ENTHD1: variants seen among roughly 807,000 people sequenced by gnomAD.
The protein encoded by ENTHD1 is ENTH domain-containing protein 1.
In ENTHD1, 23 loss-of-function variants were observed where a neutral mutation model predicts 39.1. The ratio of observed to expected loss-of-function variants is 0.59; its 90% CI spans 0.42 to 0.83. ENTHD1 has a LOEUF of 0.83. Among genes scored for constraint, ENTHD1 ranks in the 40% least tolerant of loss-of-function variants. ENTHD1 has a pLI of 0.00. For synonymous variants in ENTHD1, 230 were observed against 258.2 expected, an observed-to-expected ratio of 0.89 and a Z score of 1.05; for missense variants, 624 against 705.4, an observed-to-expected ratio of 0.88 and a Z score of 1.31.
Position 39,835,976 on chromosome 22 carries a change from CT to C in ENTHD1, c.593-19del, listed in dbSNP as rs766107611. ...CACATTTCCTGTCAACAATATAAAG[CT>C]TAAGATTTTACTTTGGCAAAACACA... On this transcript the variant is annotated intron_variant, in intron 3 of 6. Transcript: ENST00000325157. The C allele has an allele frequency of 1.3e-6, 2 of 1,567,762 alleles. No homozygotes were observed. Among genetic ancestry groups the C allele is most frequent in the Non-Finnish European group, 1.7e-6 (2 of 1,152,076 alleles).
intron 3 of ENTHD1, among the ~76,000 whole-genome samples, chr22:39,850,056 C>T (rs968318713): frequency 6.6e-6 from 1 of 151,946 alleles, no homozygotes; most frequent in South Asian, 2.1e-4. Flanking sequence ...AAAACGTGTC[C>T]TCTATGAAAC....
chr22:39,744,263 C>G lies in ENTHD1; in HGVS notation c.1240G>C (p.Ala414Pro), dbSNP rs1431928533. The G allele has an allele frequency of 6.2e-7, 1 of 1,602,314 alleles. No individual in the cohort carries two copies. The highest frequency in any genetic ancestry group is 1.1e-5 in the South Asian group (1 of 88,348). Residue 414 changes from alanine to proline, a missense_variant, in exon 7 of 7, where the codon GCA (alanine) becomes CCA (proline). Transcript: ENST00000325157. Reference sequence around the variant, plus strand: ...ATGGATAAAGGAGAAAAGGAAGATGCTCCCTCAGAAGCAGTTGAAACTAAA... The same window carrying G: ...ATGGATAAAGGAGAAAAGGAAGATGGTCCCTCAGAAGCAGTTGAAACTAAA... The part of the protein sequence containing the change: ...TTRVSTASEG[A>P]SSFSPLSMSS...
At chr22:39,824,495 C>T (rs1332663497) in intron 4 of ENTHD1, among the ~76,000 whole-genome samples, 1 of 152,046 alleles carries the variant, frequency 6.6e-6, no homozygotes, top group Non-Finnish European at 1.5e-5. Flanking sequence ...AGGGGTGAGC[C>T]ACCGCACCCG....
chr22:39,814,300 A>AAAAAAAAAAAAAAAAT (rs1262572395), intron 5 of ENTHD1, among the ~76,000 whole-genome samples: 1 of 151,580 alleles, frequency 6.6e-6, no homozygotes, highest in Non-Finnish European at 1.5e-5. Context: ...CTCTACAAAA[A>AAAAAAAAAAAAAAAAT]AAAAAAAAAA....
At chr22:39,770,603 A>G (rs1245568068) in intron 5 of ENTHD1, among the ~76,000 whole-genome samples, 1 of 152,200 alleles carries the variant, frequency 6.6e-6, no homozygotes, top group Non-Finnish European at 1.5e-5. Flanking sequence ...TACCATGGGT[A>G]TGTGTATGAT....
intron 3 of ENTHD1, among the ~76,000 whole-genome samples, 165 bp from the exon 4 acceptor site, chr22:39,836,123 T>C (rs1342588903): frequency 6.6e-6 from 1 of 152,190 alleles, no homozygotes; most frequent in Non-Finnish European, 1.5e-5. Flanking sequence ...CTTTAATATG[T>C]CTCTTTGTAA....
chr22:39,864,476 T>C (rs2066168599), intron 2 of ENTHD1, among the ~76,000 whole-genome samples: 1 of 152,182 alleles, frequency 6.6e-6, no homozygotes, highest in South Asian at 2.1e-4. Flanking sequence ...ATTTTTCACA[T>C]TCGCATTTAT....
intron 5 of ENTHD1, among the ~76,000 whole-genome samples, chr22:39,773,745 A>T (rs2065345673): frequency 6.6e-6 from 1 of 152,226 alleles, no homozygotes; most frequent in Non-Finnish European, 1.5e-5. Flanking sequence ...CAGGAGACCA[A>T]TGAAATAATT....
chr22:39,782,793 G>A (rs557001528), intron 5 of ENTHD1, among the ~76,000 whole-genome samples: 1 of 151,910 alleles, frequency 6.6e-6, no homozygotes, highest in African/African-American at 2.4e-5. Flanking sequence ...CATAATAAAG[G>A]CCATATATAA....
At chr22:39,856,274 CAAAA>C (rs34598525) in intron 3 of ENTHD1, among the ~76,000 whole-genome samples, 3 of 50,768 alleles carry the variant, frequency 5.9e-5, no homozygotes, top group Non-Finnish European at 8.2e-5. Flanking sequence ...AACTTCATCT[CAAAA>C]AAAAAAAAAA....
At chr22:39,797,025 C>T (rs990646660) in intron 5 of ENTHD1, among the ~76,000 whole-genome samples, 1 of 152,130 alleles carries the variant, frequency 6.6e-6, no homozygotes, top group Non-Finnish European at 1.5e-5. Flanking sequence ...ATAATATTTG[C>T]TTTATATATC....
chr22:39,831,166 T>C (rs550222251), intron 4 of ENTHD1, among the ~76,000 whole-genome samples: 134 of 152,298 alleles, frequency 8.8e-4, no homozygotes, highest in Non-Finnish European at 1.7e-3. Context: ...TGAAATAACC[T>C]GTCATCAGTC....
intron 2 of ENTHD1, among the ~76,000 whole-genome samples, chr22:39,866,955 T>G (rs1241864336): frequency 6.6e-6 from 1 of 152,176 alleles, no homozygotes; most frequent in Admixed American, 6.5e-5. Flanking sequence ...CAGGCTGGAA[T>G]GCAGTGGCAC....
chr22:39,879,445 A>C (rs998973676), intron 2 of ENTHD1, among the ~76,000 whole-genome samples: 12 of 135,164 alleles, frequency 8.9e-5, no homozygotes, highest in Non-Finnish European at 1.7e-4. Flanking sequence ...CCTGGGTGAC[A>C]GAGTGAGACT....
intron 5 of ENTHD1, among the ~76,000 whole-genome samples, chr22:39,792,795 T>C (rs2205968): frequency 0.1 from 15,491 of 152,118 alleles, 919 homozygotes; most frequent in Middle Eastern, 0.14. Context: ...GAGTATCCCA[T>C]TGTGTATATA....
chr22:39,805,460 A>G (rs1159572169), intron 5 of ENTHD1, among the ~76,000 whole-genome samples: 1 of 152,220 alleles, frequency 6.6e-6, no homozygotes, highest in Non-Finnish European at 1.5e-5. Context: ...GGTTGGGGAC[A>G]TGGAAGATGC....
rs10657076 is a variant in ENTHD1, at chr22:39,829,790, C to CAATAAATAAATAAATAAATA, written c.711+6030_711+6049dup. 5.3e-3 allele frequency among the ~76,000 whole-genome samples: 766 copies of CAATAAATAAATAAATAAATA among 143,380 alleles called. 4 individuals carry two copies. The highest frequency in any genetic ancestry group is 0.016 in the South Asian group (68 of 4,380). 94.1% of individuals were successfully genotyped at this position (143,380 alleles called of 152,430 possible). A position where few individuals can be genotyped will look rare whatever the true frequency, so the allele number is the denominator to read the frequency against. Reference sequence around the variant, plus strand: ...TGGGTGGCATAGAGAGACTCTGTCTCAATAAATAAATAAATAAATAAATAA... The same window carrying CAATAAATAAATAAATAAATA: ...TGGGTGGCATAGAGAGACTCTGTCTCAATAAATAAATAAATAAATAAATAAATAAATAAATAAATAAATAA... On this transcript the variant is annotated intron_variant, in intron 4 of 6. Coordinates refer to ENST00000325157, the MANE Select transcript of ENTHD1 (RefSeq NM_152512.4).
intron 5 of ENTHD1, among the ~76,000 whole-genome samples, chr22:39,799,130 A>G (rs923227486): frequency 6.6e-6 from 1 of 152,160 alleles, no homozygotes; most frequent in African/African-American, 2.4e-5. Flanking sequence ...GGTGATCTCC[A>G]GGCTCCCTGC....
rs775073970 is a variant in ENTHD1 at position 39,743,963 on chromosome 22, C to T, written c.1540G>A (p.Gly514Arg). Reference sequence around the variant, plus strand: ...TCTACATTTTGGGTGGAAAACTCCCCCCAGTGACTACTAGAAATGTGACTT... The same window carrying T: ...TCTACATTTTGGGTGGAAAACTCCCTCCAGTGACTACTAGAAATGTGACTT... ...NISHISSSHW[G>R]EFSTQNVDQF... The change falls in exon 7 of 7, where the codon GGG becomes AGG. Residue 514 changes from glycine (G) to arginine (R), a missense_variant. Transcript: ENST00000325157. 31 of 1,613,972 alleles carry T rather than the reference C, an allele frequency of 1.9e-5. No homozygotes were observed. The highest frequency in any genetic ancestry group is 2.5e-5 in the Non-Finnish European group (29 of 1,180,014).
Sources: gnomAD v4.1 joint callset for allele counts (sites outside exome capture counted in the v4.1 genomes callset) on GRCh38, gnomAD v4.1.1 for gene constraint, MANE v1.5 for transcripts, NCBI Gene and HGNC (gene_info 2026-07-23, HGNC 2026-07-21) for gene names.